The following GLT1D1 variants were observed in gnomAD, a reference collection of about 807,000 sequenced individuals.
GLT1D1 encodes glycosyltransferase 1 domain containing 1.
Under a neutral mutation model 28.7 loss-of-function variants are expected in GLT1D1, and 21 were observed. The observed-to-expected ratio is 0.73, with a 90% CI of 0.52 to 1.05. The LOEUF is 1.05. GLT1D1 is among the 50% of genes least tolerant of loss of function. The pLI is 0.00. For missense variants in GLT1D1, 343 were observed against 330.6 expected, an observed-to-expected ratio of 1.04 and a Z score of -0.29; for synonymous variants, 147 against 124.8, an observed-to-expected ratio of 1.18 and a Z score of -1.19.
chr12:128,898,309 A>T (rs1017422784), intron 3 of GLT1D1, among the ~76,000 whole-genome samples: 3 of 152,070 alleles, frequency 2.0e-5, no homozygotes, highest in Non-Finnish European at 4.4e-5. Flanking sequence ...AGTAGCTGGG[A>T]CTACAAGTGT....
chr12:128,968,445 T>C (rs1339859538), intron 7 of GLT1D1, among the ~76,000 whole-genome samples: 3 of 151,120 alleles, frequency 2.0e-5, no homozygotes, highest in Admixed American at 2.0e-4. Context: ...CTGAGGCAGG[T>C]GGATCACTTG....
At chr12:128,881,593 T>TAA (rs71072416) in intron 2 of GLT1D1, among the ~76,000 whole-genome samples, 3 of 101,626 alleles carry the variant, frequency 3.0e-5, no homozygotes, top group African/African-American at 1.1e-4. Context: ...TATATATATA[T>TAA]AAAATTTATA....
intron 3 of GLT1D1, among the ~76,000 whole-genome samples, chr12:128,894,594 A>G (rs1372405564): frequency 6.6e-6 from 1 of 152,112 alleles, no homozygotes. Context: ...CTGTAATCCC[A>G]GCACTTTGGG....
chr12:128,877,467 C>A (rs187896892), intron 2 of GLT1D1, among the ~76,000 whole-genome samples: 10 of 152,178 alleles, frequency 6.6e-5, no homozygotes, highest in African/African-American at 1.9e-4. Context: ...TTTCCTGCCT[C>A]CTGTTCCACA....
chr12:128,925,354 G>A (rs1356883922), intron 4 of GLT1D1, among the ~76,000 whole-genome samples: 4 of 152,066 alleles, frequency 2.6e-5, no homozygotes, highest in East Asian at 1.9e-4. Flanking sequence ...CCAACCCTCC[G>A]ACAGGCCCCA....
rs1374304974 is a variant in GLT1D1 at position 128,984,909 on chromosome 12, C to T, written c.*1819C>T. On this transcript the variant is annotated 3_prime_UTR_variant, in exon 8 of 8. Transcript: ENST00000281703. ...GGAAAATGTGCACATGCCTCACGCACTATGTGGGAAGGGCGTGTTTTTAAA... is the reference window on the plus strand; with the variant it reads ...GGAAAATGTGCACATGCCTCACGCATTATGTGGGAAGGGCGTGTTTTTAAA... 1 of 152,226 alleles carries T rather than the reference C, an allele frequency of 6.6e-6. No homozygotes were observed. The highest frequency in any genetic ancestry group is 2.4e-5 in the African/African-American group (1 of 41,448). 9.4% of individuals were successfully genotyped at this position (152,226 alleles called of 1,614,324 possible). A position where few individuals can be genotyped will look rare whatever the true frequency, so the allele number is the denominator to read the frequency against.
At position 128,888,656 on chromosome 12, in the gene GLT1D1, G is replaced by T. The variant is rs144703525; in HGVS notation, c.235G>T (p.Gly79Ter). The T allele has an allele frequency of 1.8e-5, 29 of 1,612,786 alleles. No homozygotes were observed. In the African/African-American group the frequency reaches 3.7e-4, roughly 21 times the overall value. Residue 79 changes from glycine (G) to a stop codon, truncating the protein, a stop_gained, in exon 3 of 8, where the codon GGA becomes TGA. Transcript: ENST00000281703. LOFTEE classifies it high-confidence loss of function. ...TTTTGCAGGCCACCGAATCCCTTTT[G>T]GAGTCATCTTTGGTGGAACTGATGT...
Position 128,982,081 on chromosome 12 carries a change from A to T in GLT1D1, c.640-848A>T, listed in dbSNP as rs755386196. On this transcript the variant is annotated intron_variant, in intron 7 of 7. Transcript: ENST00000281703. ...ATATTAAAACCAGGTCAGCAGGAGCACTCTTTCATTGCTGCACCAAGGGTC... is the reference window on the plus strand; with the variant it reads ...ATATTAAAACCAGGTCAGCAGGAGCTCTCTTTCATTGCTGCACCAAGGGTC... Among the ~76,000 whole-genome samples the T allele has an allele frequency of 2.4e-4, 37 of 152,118 alleles. 1 individual carries two copies. Among genetic ancestry groups the T allele is most frequent in the Non-Finnish European group, 5.9e-5 (4 of 68,006 alleles).
intron 1 of GLT1D1, among the ~76,000 whole-genome samples, chr12:128,872,473 G>A (rs1045108341): frequency 6.6e-6 from 1 of 152,170 alleles, no homozygotes; most frequent in Non-Finnish European, 1.5e-5. Flanking sequence ...TCATGTCAGC[G>A]GCGTGGAGAC....
intron 2 of GLT1D1, among the ~76,000 whole-genome samples, chr12:128,877,735 C>T (rs181136448): frequency 6.6e-6 from 1 of 152,318 alleles, no homozygotes; most frequent in Admixed American, 6.5e-5. Flanking sequence ...TCTATTATTA[C>T]ATAACAAATT....
intron 7 of GLT1D1, among the ~76,000 whole-genome samples, chr12:128,959,421 C>CGGGTGGG: frequency 1.0e-4 from 1 of 9,944 alleles, no homozygotes; most frequent in East Asian, 6.4e-3. Flanking sequence ...TGGGGGGGGA[C>CGGGTGGG]GGGTGGGGAG....
At chr12:128,912,142 G>C (rs1366928292) in intron 4 of GLT1D1, among the ~76,000 whole-genome samples, 1 of 152,182 alleles carries the variant, frequency 6.6e-6, no homozygotes, top group African/African-American at 2.4e-5. Context: ...AATATAGCAA[G>C]TGTAAAATTG....
intron 4 of GLT1D1, among the ~76,000 whole-genome samples, chr12:128,915,930 C>G (rs536536490): frequency 1.3e-5 from 2 of 152,268 alleles, no homozygotes; most frequent in Non-Finnish European, 2.9e-5. Flanking sequence ...AAATGTTTGA[C>G]AAATGTATAT....
chr12:128,886,532 C>T (rs779540563), intron 2 of GLT1D1, among the ~76,000 whole-genome samples: 1 of 152,140 alleles, frequency 6.6e-6, no homozygotes, highest in Non-Finnish European at 1.5e-5. Context: ...TTCCTGGAGG[C>T]TCTTGGGGAG....
At chr12:128,854,401 G>GTGTGTA (rs1956158208) in intron 1 of GLT1D1, among the ~76,000 whole-genome samples, 1 of 118,630 alleles carries the variant, frequency 8.4e-6, no homozygotes, top group African/African-American at 3.0e-5. Context: ...AGCCGTGTGT[G>GTGTGTA]TGTGTGTGTG....
At chr12:128,979,442 G>T (rs890964755) in intron 7 of GLT1D1, among the ~76,000 whole-genome samples, 1 of 152,102 alleles carries the variant, frequency 6.6e-6, no homozygotes, top group African/African-American at 2.4e-5. Flanking sequence ...TTGTTCTCTC[G>T]CTGGTTGTTG....
At chr12:128,944,061 A>G (rs1193239929) in intron 4 of GLT1D1, among the ~76,000 whole-genome samples, 1 of 152,254 alleles carries the variant, frequency 6.6e-6, no homozygotes, top group Non-Finnish European at 1.5e-5. Flanking sequence ...ATAGCTGCGT[A>G]AAACACACTA....
At chr12:128,876,923 A>G (rs1956883111) in intron 2 of GLT1D1, among the ~76,000 whole-genome samples, 1 of 152,218 alleles carries the variant, frequency 6.6e-6, no homozygotes, top group African/African-American at 2.4e-5. Context: ...ACAAAGCTAC[A>G]AATGGCTTAA....
At chr12:128,889,557 G>T (rs1234497936) in intron 3 of GLT1D1, among the ~76,000 whole-genome samples, 1 of 152,132 alleles carries the variant, frequency 6.6e-6, no homozygotes, top group Non-Finnish European at 1.5e-5. Flanking sequence ...AATGCCCCCA[G>T]GGTGGGGGAA....
Sources: gnomAD v4.1 joint callset for allele counts (sites outside exome capture counted in the v4.1 genomes callset) on GRCh38, gnomAD v4.1.1 for gene constraint, MANE v1.5 for transcripts, NCBI Gene and HGNC (gene_info 2026-07-23, HGNC 2026-07-21) for gene names.